Variants in LINGO2 observed in about 807,000 individuals in gnomAD.
The protein encoded by LINGO2 is leucine rich repeat and Ig domain containing 2.
In LINGO2, 14 loss-of-function variants were observed where a neutral mutation model predicts 30.6. That is an observed-to-expected ratio of 0.46 (90% CI 0.30 to 0.72). The LOEUF is 0.72. Among genes scored for constraint, LINGO2 ranks in the 30% least tolerant of loss-of-function variants. The pLI is 0.07. For synonymous variants in LINGO2, 317 were observed against 288.5 expected (o/e 1.10, Z -1.00); for missense variants, 729 against 751.7 (o/e 0.97, Z 0.35).
At chr9:28,000,934 T>C (rs1348551207) in intron 5 of LINGO2, among the ~76,000 whole-genome samples, 2 of 152,234 alleles carry the variant, frequency 1.3e-5, no homozygotes, top group Admixed American at 6.6e-5. Flanking sequence ...TCAATTCTTA[T>C]TCAAACAATG....
intron 4 of LINGO2, among the ~76,000 whole-genome samples, chr9:28,251,784 A>T (rs1435368731): frequency 2.6e-5 from 4 of 152,156 alleles, no homozygotes; most frequent in African/African-American, 9.7e-5. Context: ...GTGAAAAAAA[A>T]CTATTACATA....
intron 4 of LINGO2, among the ~76,000 whole-genome samples, chr9:28,231,730 T>C (rs1821362896): frequency 6.6e-6 from 1 of 152,126 alleles, no homozygotes; most frequent in Non-Finnish European, 1.5e-5. Flanking sequence ...CACCAAATCC[T>C]TGTTAGGTAA....
the LINGO2 span, among the ~76,000 whole-genome samples, chr9:28,834,407 T>C: frequency 1.9e-3 from 290 of 152,336 alleles, 1 homozygote; most frequent in African/African-American, 6.6e-3. Context: ...AATGTTGCTA[T>C]GTATCTATTT....
chr9:28,731,687 C>A, the LINGO2 span, among the ~76,000 whole-genome samples: 1 of 151,946 alleles, frequency 6.6e-6, no homozygotes, highest in Non-Finnish European at 1.5e-5. Context: ...TAGAAACCTG[C>A]ACAGGTGATA....
chr9:28,703,835 C>T, the LINGO2 span, among the ~76,000 whole-genome samples: 1 of 151,760 alleles, frequency 6.6e-6, no homozygotes, highest in East Asian at 1.9e-4. Flanking sequence ...AGTATAGGTA[C>T]CTTATAATAA....
chr9:28,513,277 C>T (rs187728940), intron 1 of LINGO2, among the ~76,000 whole-genome samples: 15 of 152,336 alleles, frequency 9.8e-5, no homozygotes, highest in African/African-American at 3.1e-4. Context: ...TCTATTTATG[C>T]ACTAACTACT....
intron 3 of LINGO2, among the ~76,000 whole-genome samples, chr9:28,344,933 T>G (rs533751047): frequency 6.6e-6 from 1 of 152,262 alleles, no homozygotes; most frequent in African/African-American, 2.4e-5. Context: ...CAGATTATTT[T>G]TAATTTTCAA....
chr9:28,068,461 C>G (rs1825377920), intron 4 of LINGO2, among the ~76,000 whole-genome samples: 1 of 152,108 alleles, frequency 6.6e-6, no homozygotes, highest in Non-Finnish European at 1.5e-5. Context: ...AATTACCTCT[C>G]AAAGTCCCCA....
At chr9:28,212,409 ACT>A (rs1820623123) in intron 4 of LINGO2, among the ~76,000 whole-genome samples, 2 of 151,250 alleles carry the variant, frequency 1.3e-5, no homozygotes, top group African/African-American at 4.8e-5. Context: ...TAAAGCCTAG[ACT>A]CTCAACTGCT....
rs181748428 is a variant in LINGO2 at position 28,189,253 on chromosome 9, G to A, written c.-87+105955C>T. Among the ~76,000 whole-genome samples the A allele has an allele frequency of 3.8e-4, 40 of 105,784 alleles. No homozygotes were observed. The South Asian group carries it at 4.0e-3, about 11-fold the overall frequency. 69.4% of individuals were successfully genotyped at this position (105,784 alleles called of 152,430 possible). On this transcript the variant is annotated intron_variant, in intron 4 of 5. Coordinates refer to ENST00000379992, the Ensembl canonical transcript of LINGO2. Reference sequence around the variant, plus strand: ...GAAGGAAAAAAGGAAGGGAGGAAGGGAGGAAGGAAGGGAGGGAGGAAGGGA... The same window carrying A: ...GAAGGAAAAAAGGAAGGGAGGAAGGAAGGAAGGAAGGGAGGGAGGAAGGGA...
chr9:28,027,366 C>T (rs923066899), intron 4 of LINGO2, among the ~76,000 whole-genome samples: 1 of 152,172 alleles, frequency 6.6e-6, no homozygotes, highest in African/African-American at 2.4e-5. Context: ...ATTATCTTAC[C>T]TACCATGACT....
At chr9:28,316,285 A>C (rs935083765) in intron 3 of LINGO2, among the ~76,000 whole-genome samples, 22 of 152,202 alleles carry the variant, frequency 1.4e-4, no homozygotes, top group African/African-American at 5.3e-4. Context: ...TATAGTGAGG[A>C]GATATGTATT....
At chr9:28,425,805 C>T (rs776996698) in intron 2 of LINGO2, among the ~76,000 whole-genome samples, 22 of 151,902 alleles carry the variant, frequency 1.4e-4, no homozygotes, top group Non-Finnish European at 2.1e-4. Context: ...GTTATCACAC[C>T]GTATTGTCCA....
chr9:28,046,505 C>T (rs1243458358), intron 4 of LINGO2, among the ~76,000 whole-genome samples: 1 of 152,170 alleles, frequency 6.6e-6, no homozygotes, highest in African/African-American at 2.4e-5. Context: ...ACTTCCTTTG[C>T]AGTTTAGGAA....
intron 5 of LINGO2, among the ~76,000 whole-genome samples, chr9:27,977,665 C>T (rs1820665325): frequency 6.6e-6 from 1 of 151,740 alleles, no homozygotes; most frequent in Admixed American, 6.6e-5. Context: ...TATTTTACTA[C>T]TGTGTTAGTG....
chr9:28,418,689 G>T (rs969501646), intron 2 of LINGO2, among the ~76,000 whole-genome samples: 2 of 151,996 alleles, frequency 1.3e-5, no homozygotes, highest in African/African-American at 4.8e-5. Flanking sequence ...TTTAGATTGG[G>T]GGCTTAGCAT....
the LINGO2 span, among the ~76,000 whole-genome samples, chr9:29,045,751 G>T: frequency 1.0e-3 from 152 of 152,192 alleles, 1 homozygote; most frequent in African/African-American, 3.6e-3. Flanking sequence ...CCATTTTAAT[G>T]ATCTTGATTC....
chr9:28,036,521 G>T (rs570500029), intron 4 of LINGO2, among the ~76,000 whole-genome samples: 1 of 152,150 alleles, frequency 6.6e-6, no homozygotes, highest in East Asian at 1.9e-4. Flanking sequence ...CTAGAAGGAA[G>T]AATTTTTAGT....
chr9:28,797,943 G>C, the LINGO2 span, among the ~76,000 whole-genome samples: 4 of 152,010 alleles, frequency 2.6e-5, no homozygotes, highest in African/African-American at 4.8e-5. Flanking sequence ...AAAACCAGGA[G>C]AATATGTACC....
Sources: allele counts gnomAD v4.1 joint callset (sites outside exome capture counted in the v4.1 genomes callset), GRCh38; gene constraint gnomAD v4.1.1; transcripts MANE v1.5; gene names NCBI Gene and HGNC (gene_info 2026-07-23, HGNC 2026-07-21).